The following TFAP4 variants were observed in gnomAD, a reference collection of about 807,000 sequenced individuals.
TFAP4 encodes transcription factor AP-4.
Under a neutral mutation model 40.4 loss-of-function variants are expected in TFAP4, and 7 were observed. That is an observed-to-expected ratio of 0.17 (90% CI 0.10 to 0.33). The LOEUF is 0.33. Among genes scored for constraint, TFAP4 ranks in the 10% least tolerant of loss-of-function variants. The probability of loss-of-function intolerance (pLI) is 1.00; values close to 1 mark genes in which losing one functional copy is unlikely to be tolerated. For synonymous variants in TFAP4, 218 were observed against 181.4 expected (o/e 1.20, Z -1.62); for missense variants, 374 against 451.1 (o/e 0.83, Z 1.55).
At chr16:4,264,493 C>T (rs1214930357) in intron 1 of TFAP4, 1 of 152,398 alleles carries the variant, frequency 6.6e-6, no homozygotes, top group Admixed American at 6.5e-5. Context: ...GGCCTGCACC[C>T]AGGGTACAAG....
intron 4 of TFAP4, among the ~76,000 whole-genome samples, chr16:4,261,258 C>T (rs1399702383): frequency 2.6e-5 from 4 of 151,162 alleles, no homozygotes; most frequent in Non-Finnish European, 5.9e-5. Context: ...AGGTGTGAGC[C>T]ACCATACCCA....
chr16:4,268,641 G>A (rs116566927), intron 1 of TFAP4, among the ~76,000 whole-genome samples: 2,378 of 152,006 alleles, frequency 0.016, 71 homozygotes, highest in African/African-American at 0.055. Context: ...ACCCAAGCTG[G>A]AGTGCAATGG....
At chr16:4,272,530 C>T in intron 1 of TFAP4, 128 bp downstream of exon 1, 1 of 612,392 alleles carries the variant, frequency 1.6e-6, no homozygotes, top group Non-Finnish European at 2.5e-6. Flanking sequence ...CTGCAGCCGT[C>T]CCGGCAGCTA....
Position 4,257,829 on chromosome 16 carries a change from T to G in TFAP4, c.*226A>C. ...AGCCCCCGGGGCCGAGGCCCCGCCCTGGGGTGCCGATGCTCCCACACGCTC... is the reference window on the plus strand; with the variant it reads ...AGCCCCCGGGGCCGAGGCCCCGCCCGGGGGTGCCGATGCTCCCACACGCTC... On this transcript the variant is annotated 3_prime_UTR_variant, in exon 7 of 7. Coordinates refer to ENST00000204517, the MANE Select transcript of TFAP4 (RefSeq NM_003223.3). The G allele has an allele frequency of 4.8e-6, 2 of 420,358 alleles. No individual in the cohort carries two copies. The highest frequency in any genetic ancestry group is 4.2e-6 in the Non-Finnish European group (1 of 237,426). 26.0% of individuals were successfully genotyped at this position (420,358 alleles called of 1,614,324 possible).
chr16:4,272,962 G>GTA lies in TFAP4; in HGVS notation c.-217_-216insTA. The GTA allele has an allele frequency of 5.3e-6, 1 of 189,882 alleles. No individual in the cohort carries two copies. Among genetic ancestry groups the GTA allele is most frequent in the Admixed American group, 6.7e-5 (1 of 14,942 alleles). 11.8% of individuals were successfully genotyped at this position (189,882 alleles called of 1,614,324 possible). ...CCTCCCCGGGCGTGTGTATGTGTGT[G>GTA]TGTGTGTGTGTGTGTGTGTGTGTGT... On this transcript the variant is annotated 5_prime_UTR_variant, in exon 1 of 7. Transcript: ENST00000204517.
rs559188143 is a variant in TFAP4 at position 4,259,449 on chromosome 16, T to G, written c.822+641A>C. ...CACACCCGGCCATATGTTTATGTATTTTAAAGCTTGCCTATTAACTTATTA... is the reference window on the plus strand; with the variant it reads ...CACACCCGGCCATATGTTTATGTATGTTAAAGCTTGCCTATTAACTTATTA... On this transcript the variant is annotated intron_variant, in intron 6 of 6. Transcript: ENST00000204517. Among the ~76,000 whole-genome samples the G allele has an allele frequency of 2.0e-5, 3 of 152,322 alleles. No homozygotes were observed. The South Asian group carries it at 6.2e-4, about 32-fold the overall frequency.
intron 1 of TFAP4, among the ~76,000 whole-genome samples, chr16:4,271,464 C>G (rs1429632669): frequency 1.3e-5 from 2 of 152,256 alleles, no homozygotes; most frequent in Admixed American, 1.3e-4. Context: ...CCACACCACG[C>G]CCAGGGGGTC....
In TFAP4 at chr16:4,258,022, C is replaced by T. The variant is rs1363315028; in HGVS notation, c.*33G>A. The stretch of plus-strand genomic sequence containing the variant: ...CTGTGGCTGCCCCGGCTCCCTCCAG[C>T]CCCCAGAAGGGAGAGGAGGGCTGGG... On this transcript the variant is annotated 3_prime_UTR_variant, in exon 7 of 7. Transcript: ENST00000204517. 3.1e-6 allele frequency: 5 copies of T among 1,593,248 alleles called. No homozygotes were observed. Among genetic ancestry groups the T allele is most frequent in the Non-Finnish European group, 4.3e-6 (5 of 1,171,492 alleles).
rs377699928 is a variant in TFAP4, at chr16:4,261,822, T to A, written c.482A>T (p.Gln161Leu). 1 of 1,612,596 alleles carries A rather than the reference T, an allele frequency of 6.2e-7. No homozygotes were observed. Among genetic ancestry groups the A allele is most frequent in the Non-Finnish European group, 8.5e-7 (1 of 1,179,604 alleles). ...LRREMIELRQ[Q>L]LDKERSVRMM... ...GCGCACCGAGCGCTCCTTGTCCAGCTGCTGCCGCAGCTCAATCATCTCCCG... is the reference window on the plus strand; with the variant it reads ...GCGCACCGAGCGCTCCTTGTCCAGCAGCTGCCGCAGCTCAATCATCTCCCG... Residue 161 changes from glutamine to leucine, a missense_variant, in exon 4 of 7, where the codon CAG becomes CTG. This residue lies in a region of TFAP4 where 161 missense variants were observed against 154.2 expected (regional missense o/e 1.04). Transcript: ENST00000204517.
intron 1 of TFAP4, 81 bp downstream of exon 1, chr16:4,272,577 T>G: frequency 9.2e-7 from 1 of 1,091,480 alleles, no homozygotes; most frequent in Non-Finnish European, 1.3e-6. Context: ...GGGCCATGCG[T>G]GCGCACACGC....
rs374331139 is a variant in TFAP4, at chr16:4,271,602, G to T, written c.89+1056C>A. ...CACCCTTTGGGTTTAGAGCAACCTA[G>T]GACCAAAGCTTGCAAAGTGGCTTCT... On this transcript the variant is annotated intron_variant, in intron 1 of 6. Coordinates refer to ENST00000204517, the MANE Select transcript of TFAP4 (RefSeq NM_003223.3). Among the ~76,000 whole-genome samples, 5 of 152,344 alleles carry T rather than the reference G, an allele frequency of 3.3e-5. No individual in the cohort carries two copies. In the East Asian group the frequency reaches 9.7e-4, roughly 29 times the overall value.
At chr16:4,269,303 C>T (rs557792189) in intron 1 of TFAP4, among the ~76,000 whole-genome samples, 23 of 151,492 alleles carry the variant, frequency 1.5e-4, no homozygotes, top group Admixed American at 3.3e-4. Context: ...ACCATCCTGG[C>T]TAACACAGTG....
At chr16:4,271,922 C>T (rs981136769) in intron 1 of TFAP4, among the ~76,000 whole-genome samples, 3 of 152,208 alleles carry the variant, frequency 2.0e-5, no homozygotes, top group African/African-American at 7.2e-5. Context: ...AGAACTACAG[C>T]TCCCGCGAGG....
intron 1 of TFAP4, chr16:4,263,021 A>G: frequency 3.3e-6 from 1 of 303,678 alleles, no homozygotes; most frequent in South Asian, 3.7e-5. Context: ...AAAAAAATAA[A>G]ATTAGCCAGG....
Position 4,268,983 on chromosome 16 carries a change from G to T in TFAP4, c.89+3675C>A, listed in dbSNP as rs2070017677. The stretch of plus-strand genomic sequence containing the variant: ...GCTCACTGCAATCTCCAATTCCCAG[G>T]CTCAAGCCATCCTCCTGCCTCAGCC... On this transcript the variant is annotated intron_variant, in intron 1 of 6. Coordinates refer to ENST00000204517, the MANE Select transcript of TFAP4 (RefSeq NM_003223.3). Among the ~76,000 whole-genome samples, 3 of 152,014 alleles carry T rather than the reference G, an allele frequency of 2.0e-5. No individual in the cohort carries two copies. In the South Asian group the frequency reaches 6.2e-4, roughly 31 times the overall value.
intron 1 of TFAP4, chr16:4,264,856 GA>G (rs1328731906): frequency 2.6e-5 from 4 of 152,450 alleles, no homozygotes; most frequent in East Asian, 3.9e-4. Flanking sequence ...GGTGGGAAGA[GA>G]TGTCCATAGG....
intron 1 of TFAP4, among the ~76,000 whole-genome samples, chr16:4,268,611 G>C (rs1008522282): frequency 6.6e-6 from 1 of 151,854 alleles, no homozygotes; most frequent in Non-Finnish European, 1.5e-5. Context: ...TTTATTTAGA[G>C]GCAGGGTCTC....
At chr16:4,265,165 G>C (rs1040506288) in intron 1 of TFAP4, 2 of 152,154 alleles carry the variant, frequency 1.3e-5, no homozygotes, top group Admixed American at 6.6e-5. Flanking sequence ...CCCATGTAAA[G>C]AGGGGGGCAC....
chr16:4,265,077 A>AT (rs370089018), intron 1 of TFAP4: 1,735 of 147,690 alleles, frequency 0.012, 17 homozygotes, highest in Non-Finnish European at 0.017. Flanking sequence ...AGAGGGATAC[A>AT]TTTTTTTTTT....
Sources: allele counts gnomAD v4.1 joint callset (sites outside exome capture counted in the v4.1 genomes callset), GRCh38; gene constraint gnomAD v4.1.1; regional missense constraint gnomAD v4.1.1; transcripts MANE v1.5; gene names NCBI Gene and HGNC (gene_info 2026-07-23, HGNC 2026-07-21).